The following ARHGAP29 variants were observed in gnomAD, a reference collection of about 807,000 sequenced individuals.
ARHGAP29 encodes Rho GTPase activating protein 29.
A neutral mutation model predicts 122.6 loss-of-function variants in ARHGAP29; 43 were observed. The observed-to-expected ratio is 0.35, with a 90% CI of 0.27 to 0.45. The LOEUF is 0.45. ARHGAP29 is among the 20% of genes least tolerant of loss of function. The probability of loss-of-function intolerance (pLI) is 1.00; values close to 1 mark genes in which losing one functional copy is unlikely to be tolerated. For missense variants in ARHGAP29, 1,303 were observed against 1,477.2 expected (o/e 0.88, Z 1.93); for synonymous variants, 506 against 497.1 (o/e 1.02, Z -0.24).
At chr1:94,178,844 T>C (rs760426958) in intron 20 of ARHGAP29, among the ~76,000 whole-genome samples, 3 of 152,210 alleles carry the variant, frequency 2.0e-5, no homozygotes, top group Non-Finnish European at 4.4e-5. Flanking sequence ...GCTTGCTGTA[T>C]TGCAGCCTAA....
chr1:94,204,202 G>C (rs6664141), intron 7 of ARHGAP29, among the ~76,000 whole-genome samples: 143,990 of 151,648 alleles, frequency 0.95, 68,686 homozygotes, highest in East Asian at 1. Context: ...GGCTGGTCTC[G>C]AACTCCCAGG....
At chr1:94,209,111 G>T in intron 4 of ARHGAP29, 143 bp downstream of exon 4, 1 of 775,652 alleles carries the variant, frequency 1.3e-6, no homozygotes. Context: ...TAGTAATAAG[G>T]CCATACAGAA....
intron 3 of ARHGAP29, among the ~76,000 whole-genome samples, chr1:94,214,434 A>G (rs1185731222): frequency 6.6e-6 from 1 of 152,140 alleles, no homozygotes; most frequent in Non-Finnish European, 1.5e-5. Flanking sequence ...TTAACCTCCA[A>G]GCTCCAGATT....
At chr1:94,314,243 CT>C in the ARHGAP29 span, among the ~76,000 whole-genome samples, 1 of 152,190 alleles carries the variant, frequency 6.6e-6, no homozygotes, top group African/African-American at 2.4e-5. Context: ...ATAGCAGCCA[CT>C]TGGTTTAAGA....
In ARHGAP29 at chr1:94,182,171, A is replaced by G. The variant is rs1649513687; in HGVS notation, c.2247+1980T>C. Reference sequence around the variant, plus strand: ...GGAAGAAAGCTGCAAAAAGAACAAAAACTACAATTCTGGGGAATTGAAACA... The same window carrying G: ...GGAAGAAAGCTGCAAAAAGAACAAAGACTACAATTCTGGGGAATTGAAACA... On this transcript the variant is annotated intron_variant, in intron 19 of 22. Coordinates refer to ENST00000260526, the MANE Select transcript of ARHGAP29 (RefSeq NM_004815.4). Among the ~76,000 whole-genome samples the G allele has an allele frequency of 2.0e-5, 3 of 152,090 alleles. No individual in the cohort carries two copies. The South Asian group carries it at 6.2e-4, about 31-fold the overall frequency.
At chr1:94,259,760 G>T (rs1157777617) in intron 1 of ARHGAP29, among the ~76,000 whole-genome samples, 2 of 152,188 alleles carry the variant, frequency 1.3e-5, no homozygotes, top group African/African-American at 4.8e-5. Flanking sequence ...TTTAAGTGAT[G>T]CAAGTTTGTG....
intron 12 of ARHGAP29, among the ~76,000 whole-genome samples, chr1:94,200,184 GAATA>G (rs983159509): frequency 3.9e-5 from 6 of 151,966 alleles, no homozygotes; most frequent in Admixed American, 2.6e-4. Context: ...ACTGCTAAAA[GAATA>G]AAAAGAGAAG....
chr1:94,220,487 T>C lies in ARHGAP29; in HGVS notation c.206-95A>G, dbSNP rs536625140. 213 of 1,162,494 alleles carry C rather than the reference T, an allele frequency of 1.8e-4. 3 individuals carry two copies. The South Asian group carries it at 3.1e-3, about 17-fold the overall frequency. The allele number at this position is 1,162,494 out of a possible 1,614,324, so 72.0% of individuals were successfully genotyped here. ...CTGAAGCACATTTCAAGTAGAAGCATTGGTTACACAATTTTTGCCTACTAT... is the reference window on the plus strand; with the variant it reads ...CTGAAGCACATTTCAAGTAGAAGCACTGGTTACACAATTTTTGCCTACTAT... On this transcript the variant is annotated intron_variant, in intron 2 of 22. Coordinates refer to ENST00000260526, the MANE Select transcript of ARHGAP29 (RefSeq NM_004815.4).
rs1330827428 is a variant in ARHGAP29 at position 94,203,991 on chromosome 1, A to C, written c.701T>G (p.Leu234Trp). 1.2e-6 allele frequency: 2 copies of C among 1,613,556 alleles called. No individual in the cohort carries two copies. The highest frequency in any genetic ancestry group is 1.7e-6 in the Non-Finnish European group (2 of 1,179,790). ...CTTGACCATATTTCTAGTGGACTCC[A>C]ATTCTGAAAAGTTCAAAGAGGGTAT... is the stretch of plus-strand genomic sequence containing the variant. ...SWVEKKLNLELESTRNMVKLA... is the reference protein window; with the variant it reads ...SWVEKKLNLEWESTRNMVKLA... Residue 234 changes from leucine to tryptophan, a missense_variant, in exon 8 of 23, where the codon TTG becomes TGG. Leu to Trp is a moderately conservative substitution (Grantham distance 61). Transcript: ENST00000260526.
At chr1:94,294,022 T>C in the ARHGAP29 span, among the ~76,000 whole-genome samples, 7,731 of 152,230 alleles carry the variant, frequency 0.051, 673 homozygotes, top group African/African-American at 0.18. Context: ...AGCCATTGAC[T>C]AATCATTACT....
Position 94,203,909 on chromosome 1 carries a change from C to A in ARHGAP29, c.762+21G>T, listed in dbSNP as rs373340778. The A allele has an allele frequency of 5.7e-5, 91 of 1,610,322 alleles. No homozygotes were observed. The South Asian group carries it at 8.9e-4, about 16-fold the overall frequency. On this transcript the variant is annotated intron_variant, in intron 8 of 22. Transcript: ENST00000260526. Reference sequence around the variant, plus strand: ...GAGTAGTTTCTTATTATAGAACCCCCGAAGTTCACAGAACACTTACCTGAA... The same window carrying A: ...GAGTAGTTTCTTATTATAGAACCCCAGAAGTTCACAGAACACTTACCTGAA...
the ARHGAP29 span, among the ~76,000 whole-genome samples, chr1:94,306,332 G>A: frequency 6.6e-6 from 1 of 152,222 alleles, no homozygotes; most frequent in South Asian, 2.1e-4. Context: ...TTCGCAGAGA[G>A]AGAAAATGTA....
At chr1:94,268,082 T>G (rs1312570764) in intron 1 of ARHGAP29, among the ~76,000 whole-genome samples, 2 of 152,220 alleles carry the variant, frequency 1.3e-5, no homozygotes, top group Admixed American at 1.3e-4. Context: ...GTAAATTTCA[T>G]TATAGTTCTG....
the ARHGAP29 span, among the ~76,000 whole-genome samples, chr1:94,312,878 C>T: frequency 1.3e-5 from 2 of 152,172 alleles, no homozygotes; most frequent in South Asian, 4.1e-4. Context: ...TGGGAGAGTG[C>T]CTAGGGCTCC....
At chr1:94,213,172 G>C (rs1270406204) in intron 3 of ARHGAP29, among the ~76,000 whole-genome samples, 2 of 152,036 alleles carry the variant, frequency 1.3e-5, no homozygotes, top group East Asian at 1.9e-4. Context: ...TCAGAGGCTA[G>C]AAAACTTTTT....
intron 1 of ARHGAP29, among the ~76,000 whole-genome samples, chr1:94,268,191 A>G (rs1177729595): frequency 6.6e-6 from 1 of 152,216 alleles, no homozygotes; most frequent in Non-Finnish European, 1.5e-5. Context: ...AAATATTTGT[A>G]TTACATGGCA....
At chr1:94,204,021 A>G in intron 7 of ARHGAP29, 27 bp from the exon 8 acceptor site, 1 of 1,591,110 alleles carries the variant, frequency 6.3e-7, no homozygotes, top group African/African-American at 1.3e-5. Flanking sequence ...GGGTATCAGA[A>G]GGTAAAATCA....
At chr1:94,204,130 A>T (rs1168114365) in intron 7 of ARHGAP29, 136 bp from the exon 8 acceptor site, 5 of 526,446 alleles carry the variant, frequency 9.5e-6, no homozygotes, top group South Asian at 4.3e-5. Context: ...TAATACAGCA[A>T]TACTTCTTTC....
chr1:94,237,732 A>G, upstream of ARHGAP29: 1 of 985,270 alleles, frequency 1.0e-6, no homozygotes, highest in Non-Finnish European at 1.2e-6. Context: ...TCGCGCGCAG[A>G]ACGCGACCGT....
Sources: gnomAD v4.1 joint callset for allele counts (sites outside exome capture counted in the v4.1 genomes callset) on GRCh38, gnomAD v4.1.1 for gene constraint, MANE v1.5 for transcripts, NCBI Gene and HGNC (gene_info 2026-07-23, HGNC 2026-07-21) for gene names.